PPP6R2: variants seen among roughly 807,000 people sequenced by gnomAD.
PPP6R2 encodes protein phosphatase 6 regulatory subunit 2.
In PPP6R2, 62 loss-of-function variants were observed where a neutral mutation model predicts 100.2. That is an observed-to-expected ratio of 0.62 (90% CI 0.50 to 0.76). The LOEUF (loss-of-function observed/expected upper bound fraction) is 0.76, where lower values mean the gene tolerates loss of function less well. Among genes scored for constraint, PPP6R2 ranks in the 30% least tolerant of loss-of-function variants. The probability of loss-of-function intolerance (pLI) is 0.00; values close to 1 mark genes in which losing one functional copy is unlikely to be tolerated. For synonymous variants in PPP6R2, 525 were observed against 514.7 expected (o/e 1.02, Z -0.27); for missense variants, 1,142 against 1,276.3 (o/e 0.89, Z 1.60).
At chr22:50,342,074 A>C (rs1227553334), upstream of PPP6R2, among the ~76,000 whole-genome samples, 5 of 151,694 alleles carry the variant, frequency 3.3e-5, no homozygotes, top group Non-Finnish European at 5.9e-5. Flanking sequence ...AAGATCAGGC[A>C]GAGTTGCACG....
chr22:50,398,137 A>AGC (rs1437256540), intron 3 of PPP6R2, among the ~76,000 whole-genome samples: 2 of 150,518 alleles, frequency 1.3e-5, no homozygotes, highest in East Asian at 3.9e-4. Flanking sequence ...GTTGAAGACC[A>AGC]GCCTGGGCAA....
chr22:50,437,480 T>TCCCCACC, intron 15 of PPP6R2, 26 bp from the exon 16 acceptor site: 3 of 728,362 alleles, frequency 4.1e-6, no homozygotes, highest in Non-Finnish European at 7.5e-6. Flanking sequence ...TGTCTGTCCG[T>TCCCCACC]CCCTCCCTCC....
chr22:50,343,718 CCCAAGTCAGTCAGTGCCCCCT>C (rs2042734594), intron 1 of PPP6R2, among the ~76,000 whole-genome samples, 168 bp downstream of exon 1: 1 of 99,902 alleles, frequency 1.0e-5, no homozygotes, highest in Non-Finnish European at 2.0e-5. Context: ...CAGTGCCCCC[CCCAAGTCAGTCAGTGCCCCCT>C]CCAGTCAGTT....
the PPP6R2 span, among the ~76,000 whole-genome samples, chr22:50,333,696 G>A: frequency 2.7e-4 from 41 of 152,294 alleles, no homozygotes; most frequent in Middle Eastern, 6.8e-3. Context: ...TACAGGGCCT[G>A]TTGGTTTTTC....
chr22:50,360,751 A>G (rs777881527), intron 1 of PPP6R2, among the ~76,000 whole-genome samples: 2 of 152,044 alleles, frequency 1.3e-5, no homozygotes, highest in Non-Finnish European at 2.9e-5. Flanking sequence ...CAGATAGGAC[A>G]CCTATTGGGT....
At chr22:50,384,196 A>C (rs1282490033) in intron 2 of PPP6R2, among the ~76,000 whole-genome samples, 4 of 152,114 alleles carry the variant, frequency 2.6e-5, no homozygotes, top group Non-Finnish European at 5.9e-5. Flanking sequence ...TGAAGAAAAT[A>C]TTATTTTATA....
chr22:50,338,284 T>TG, the PPP6R2 span, among the ~76,000 whole-genome samples: 1 of 139,066 alleles, frequency 7.2e-6, no homozygotes. Context: ...GTGTGGTGTG[T>TG]TTGTGGTGTG....
chr22:50,351,026 GTTTTTTTTTT>G (rs1195469509), intron 1 of PPP6R2, among the ~76,000 whole-genome samples: 8 of 80,748 alleles, frequency 9.9e-5, no homozygotes, highest in African/African-American at 4.1e-4. Flanking sequence ...TCTCAACAGT[GTTTTTTTTTT>G]TTTTTTTTTT....
chr22:50,401,156 C>T (rs1157154107), intron 3 of PPP6R2, among the ~76,000 whole-genome samples: 1 of 152,122 alleles, frequency 6.6e-6, no homozygotes, highest in Non-Finnish European at 1.5e-5. Flanking sequence ...TCTCAGCCTC[C>T]CAAGCAGTTG....
At chr22:50,408,751 A>T (rs1196210216) in intron 4 of PPP6R2, among the ~76,000 whole-genome samples, 2 of 152,212 alleles carry the variant, frequency 1.3e-5, no homozygotes, top group African/African-American at 4.8e-5. Context: ...ACTGCTTCAT[A>T]TAATATTTTT....
chr22:50,415,125 G>C (rs377360713), intron 5 of PPP6R2, among the ~76,000 whole-genome samples: 57 of 152,320 alleles, frequency 3.7e-4, no homozygotes, highest in African/African-American at 1.3e-3. Flanking sequence ...GTGTGGATGC[G>C]TCTGTTCTGA....
chr22:50,444,134 T>G lies in PPP6R2; in HGVS notation c.2831+17T>G, dbSNP rs1345545944. The G allele has an allele frequency of 1.9e-6, 3 of 1,611,502 alleles. No individual in the cohort carries two copies. The Admixed American group carries it at 5.0e-5, about 27-fold the overall frequency. On this transcript the variant is annotated intron_variant, in intron 23 of 23. Transcript: ENST00000612753. ...AAAGGACGGGTGAGCAGGTTGAGTG[T>G]GGGGGTAGGGGGTGTGGACAGGGCC...
At chr22:50,382,836 A>ATTTTTTTTT (rs532410577) in intron 2 of PPP6R2, among the ~76,000 whole-genome samples, 1 of 141,278 alleles carries the variant, frequency 7.1e-6, no homozygotes, top group Non-Finnish European at 1.5e-5. Context: ...TTACAAGCAA[A>ATTTTTTTTT]TTTTTTTTTT....
At chr22:50,373,276 C>T (rs1457164980) in intron 2 of PPP6R2, among the ~76,000 whole-genome samples, 37 of 138,240 alleles carry the variant, frequency 2.7e-4, no homozygotes, top group Non-Finnish European at 9.1e-5. Flanking sequence ...GAGTCTTGCT[C>T]AGTCGCCCAG....
At chr22:50,340,925 A>G (rs553694380), upstream of PPP6R2, among the ~76,000 whole-genome samples, 1 of 151,888 alleles carries the variant, frequency 6.6e-6, no homozygotes, top group South Asian at 2.1e-4. Context: ...CATTTCATTA[A>G]ATGAAATAAA....
At chr22:50,384,829 C>T (rs947008212) in intron 2 of PPP6R2, among the ~76,000 whole-genome samples, 1 of 152,156 alleles carries the variant, frequency 6.6e-6, no homozygotes, top group East Asian at 1.9e-4. Flanking sequence ...CAGCTTCAAC[C>T]TCCTGGGCTC....
chr22:50,357,891 C>T (rs1252452645), intron 1 of PPP6R2, among the ~76,000 whole-genome samples: 3 of 151,688 alleles, frequency 2.0e-5, no homozygotes, highest in Non-Finnish European at 2.9e-5. Flanking sequence ...TCCAAAGTGC[C>T]GGGATTACAG....
chr22:50,339,778 G>GTGTGTGTGTGGTGTGTGTGGGGTA (rs2042349409), upstream of PPP6R2, among the ~76,000 whole-genome samples: 1 of 101,904 alleles, frequency 9.8e-6, no homozygotes, highest in African/African-American at 5.2e-5. Context: ...GTGGTATGTG[G>GTGTGTGTGTGGTGTGTGTGGGGTA]TGTGTGTGTG....
rs1433609103 is a variant in PPP6R2 at position 50,434,313 on chromosome 22, T to C, written c.1401-653T>C. 4.0e-3 allele frequency among the ~76,000 whole-genome samples: 199 copies of C among 49,224 alleles called. 3 individuals carry two copies. Among genetic ancestry groups the C allele is most frequent in the African/African-American group, 0.021 (182 of 8,824 alleles). The allele number at this position is 49,224 out of a possible 152,430, so 32.3% of individuals were successfully genotyped here. The stretch of plus-strand genomic sequence containing the variant: ...ATGGATGCTGGGCAGGGGCCGGGCA[T>C]TTGCTCTGGAGGTGAACCTGGAGGA... On this transcript the variant is annotated intron_variant, in intron 12 of 23. Coordinates refer to ENST00000612753, the MANE Select transcript of PPP6R2 (RefSeq NM_001242898.2).
Sources: gnomAD v4.1 joint callset for allele counts (sites outside exome capture counted in the v4.1 genomes callset) on GRCh38, gnomAD v4.1.1 for gene constraint, MANE v1.5 for transcripts, NCBI Gene and HGNC (gene_info 2026-07-23, HGNC 2026-07-21) for gene names.